The following TMC1 variants were observed in gnomAD, a reference collection of about 807,000 sequenced individuals.
The protein encoded by TMC1 is transmembrane channel like 1.
Under a neutral mutation model 105.8 loss-of-function variants are expected in TMC1, and 84 were observed. The observed-to-expected ratio is 0.79, with a 90% CI of 0.67 to 0.95. The LOEUF (loss-of-function observed/expected upper bound fraction) is 0.95. Among genes scored for constraint, TMC1 ranks in the 40% least tolerant of loss-of-function variants. The pLI is 0.00. For missense variants in TMC1, 817 were observed against 914.1 expected, an observed-to-expected ratio of 0.89 and a Z score of 1.37; for synonymous variants, 315 against 311.5, an observed-to-expected ratio of 1.01 and a Z score of -0.12.
rs111525479 is a variant in TMC1, at chr9:72,666,886, C to CCAAAA, written c.16+18257_16+18261dup. ...GCAGCATAGGGAAATCCCATCTCTA[C>CCAAAA]CAAAACAAAACAAAACAAAACAAAA... On this transcript the variant is annotated intron_variant, in intron 5 of 23. Coordinates refer to ENST00000297784, the MANE Select transcript of TMC1 (RefSeq NM_138691.3). Among the ~76,000 whole-genome samples the CCAAAA allele has an allele frequency of 6.3e-4, 94 of 148,094 alleles. 1 individual carries two copies. In the East Asian group the frequency reaches 9.1e-3, roughly 14 times the overall value.
At chr9:72,832,187 G>C (rs1459542511) in intron 23 of TMC1, among the ~76,000 whole-genome samples, 3 of 151,908 alleles carry the variant, frequency 2.0e-5, no homozygotes, top group Non-Finnish European at 4.4e-5. Context: ...CTTGGGCTCA[G>C]GTGATCTTCT....
chr9:72,733,876 A>ATTTCCTTTCTC (rs901280102), intron 8 of TMC1, among the ~76,000 whole-genome samples: 7 of 152,146 alleles, frequency 4.6e-5, no homozygotes, highest in Admixed American at 2.6e-4. Context: ...TAGGTTGAGA[A>ATTTCCTTTCTC]CTTTCCCTTA....
At chr9:72,825,266 C>A (rs1435760582) in intron 20 of TMC1, among the ~76,000 whole-genome samples, 1 of 152,170 alleles carries the variant, frequency 6.6e-6, no homozygotes, top group African/African-American at 2.4e-5. Context: ...GGAAGACAGG[C>A]CTCCTCATAA....
chr9:72,542,826 C>A (rs775297507), intron 1 of TMC1, among the ~76,000 whole-genome samples: 6 of 151,826 alleles, frequency 4.0e-5, no homozygotes, highest in African/African-American at 1.5e-4. Context: ...ATTACAGGTG[C>A]CTGCCACCGC....
chr9:72,675,241 A>G (rs1826185336), intron 5 of TMC1, among the ~76,000 whole-genome samples: 1 of 152,144 alleles, frequency 6.6e-6, no homozygotes, highest in African/African-American at 2.4e-5. Flanking sequence ...TATGAGCTAC[A>G]AACTCATTTC....
At chr9:72,553,234 A>T (rs1466298872) in intron 1 of TMC1, among the ~76,000 whole-genome samples, 1 of 152,090 alleles carries the variant, frequency 6.6e-6, no homozygotes, top group African/African-American at 2.4e-5. Context: ...CTGCTTCACA[A>T]AGTGCTGGGA....
Position 72,603,340 on chromosome 9 carries a change from T to C in TMC1, c.-305-13028T>C, listed in dbSNP as rs151304535. ...TCTGCTCTCCCTACCCATAACCATG[T>C]GAGTATCATGTCCAGCAAACTAACT... On this transcript the variant is annotated intron_variant, in intron 2 of 23. Coordinates refer to ENST00000297784, the MANE Select transcript of TMC1 (RefSeq NM_138691.3). Among the ~76,000 whole-genome samples, 679 of 151,812 alleles carry C rather than the reference T, an allele frequency of 4.5e-3. 7 individuals are homozygous for C. Among genetic ancestry groups the C allele is most frequent in the African/African-American group, 0.016 (651 of 41,362 alleles).
intron 21 of TMC1, 122 bp downstream of exon 21, chr9:72,827,116 A>G (rs1272841125): frequency 1.3e-5 from 17 of 1,293,342 alleles, no homozygotes; most frequent in South Asian, 2.4e-5. Flanking sequence ...ATCCAAATTC[A>G]ACACTGATTA....
At chr9:72,658,344 A>G (rs977058766) in intron 5 of TMC1, among the ~76,000 whole-genome samples, 1 of 152,248 alleles carries the variant, frequency 6.6e-6, no homozygotes, top group African/African-American at 2.4e-5. Context: ...AAAAAAAAAA[A>G]AAAACTATGG....
intron 21 of TMC1, among the ~76,000 whole-genome samples, chr9:72,829,369 G>A (rs1459725014): frequency 1.3e-5 from 2 of 152,108 alleles, no homozygotes; most frequent in East Asian, 1.9e-4. Context: ...CTTATTTAAC[G>A]TGCATTACAA....
chr9:72,683,343 A>G (rs1187315875), intron 5 of TMC1, among the ~76,000 whole-genome samples: 3 of 152,140 alleles, frequency 2.0e-5, no homozygotes, highest in African/African-American at 7.2e-5. Flanking sequence ...ATATACATAT[A>G]CATGCATACA....
At chr9:72,565,528 G>A (rs1824135183) in intron 1 of TMC1, among the ~76,000 whole-genome samples, 1 of 152,146 alleles carries the variant, frequency 6.6e-6, no homozygotes, top group Admixed American at 6.5e-5. Context: ...TATTTTATAG[G>A]CTGTATATAT....
intron 5 of TMC1, among the ~76,000 whole-genome samples, chr9:72,656,790 C>T (rs1290526942): frequency 6.6e-6 from 1 of 151,828 alleles, no homozygotes; most frequent in Non-Finnish European, 1.5e-5. Flanking sequence ...TTTTTTTTCC[C>T]CCCTCCGGGA....
rs1222212369 is a variant in TMC1, at chr9:72,788,490, G to C, written c.1029+7G>C. On this transcript the variant is annotated splice_region_variant and intron_variant, in intron 14 of 23. Transcript: ENST00000297784. ...TATCACAATGAACTTTAAGGTAGAG[G>C]CACCAACTTCAAAAACCTGCTGTTT... 6.2e-7 allele frequency: 1 copy of C among 1,613,904 alleles called. No individual in the cohort carries two copies. Among genetic ancestry groups the C allele is most frequent in the Non-Finnish European group, 8.5e-7 (1 of 1,179,818 alleles).
intron 13 of TMC1, 92 bp from the exon 14 acceptor site, chr9:72,788,247 C>T: frequency 2.9e-6 from 4 of 1,362,880 alleles, no homozygotes; most frequent in Admixed American, 1.7e-5. Flanking sequence ...TTTGCTATTG[C>T]TTCTCCACTT....
chr9:72,786,804 G>A (rs1272499853), intron 13 of TMC1, among the ~76,000 whole-genome samples: 2 of 151,970 alleles, frequency 1.3e-5, no homozygotes, highest in East Asian at 3.9e-4. Context: ...CATTCAGTTC[G>A]GGCTCCCTTC....
rs1175453485 is a variant in TMC1 at position 72,727,917 on chromosome 9, A to G, written c.363-12202A>G. Among the ~76,000 whole-genome samples, 3 of 152,140 alleles carry G rather than the reference A, an allele frequency of 2.0e-5. No homozygotes were observed. The East Asian group carries it at 5.8e-4, about 29-fold the overall frequency. ...AAAATCATTTTCATAGAGCTTAAAG[A>G]GACTATCCAGAGAGACATTTATAAA... On this transcript the variant is annotated intron_variant, in intron 8 of 23. Coordinates refer to ENST00000297784, the MANE Select transcript of TMC1 (RefSeq NM_138691.3).
intron 2 of TMC1, among the ~76,000 whole-genome samples, chr9:72,594,748 G>A (rs1488648023): frequency 6.6e-6 from 1 of 152,052 alleles, no homozygotes; most frequent in Admixed American, 6.6e-5. Flanking sequence ...CCCCTAGAAT[G>A]TTGGGGGAAT....
intron 1 of TMC1, among the ~76,000 whole-genome samples, chr9:72,560,871 A>G (rs937785197): frequency 2.0e-5 from 3 of 152,118 alleles, no homozygotes; most frequent in African/African-American, 7.2e-5. Context: ...AGCAAACTTC[A>G]TTATAATTAT....
Sources: gnomAD v4.1 joint callset for allele counts (sites outside exome capture counted in the v4.1 genomes callset) on GRCh38, gnomAD v4.1.1 for gene constraint, MANE v1.5 for transcripts, NCBI Gene and HGNC (gene_info 2026-07-23, HGNC 2026-07-21) for gene names.